The following SH3RF2 variants were observed in gnomAD, a reference collection of about 807,000 sequenced individuals.
The protein encoded by SH3RF2 is E3 ubiquitin-protein ligase SH3RF2.
Under a neutral mutation model 59.0 loss-of-function variants are expected in SH3RF2, and 43 were observed. The ratio of observed to expected loss-of-function variants is 0.73; its 90% CI spans 0.57 to 0.94. SH3RF2 has a LOEUF of 0.94. Among genes scored for constraint, SH3RF2 ranks in the 40% least tolerant of loss-of-function variants. The pLI is 0.00. For missense variants in SH3RF2, 930 were observed against 940.1 expected (o/e 0.99, Z 0.14); for synonymous variants, 391 against 391.5 (o/e 1.00, Z 0.01).
At chr5:145,987,588 TA>T (rs1759763562) in intron 2 of SH3RF2, among the ~76,000 whole-genome samples, 1 of 152,222 alleles carries the variant, frequency 6.6e-6, no homozygotes. Context: ...CATGAGGTCA[TA>T]ACATAATTCT....
chr5:146,058,252 C>T (rs1762754658), intron 8 of SH3RF2, among the ~76,000 whole-genome samples: 1 of 152,082 alleles, frequency 6.6e-6, no homozygotes, highest in Non-Finnish European at 1.5e-5. Flanking sequence ...TTTACAAGAG[C>T]CTAAGGACAT....
chr5:146,061,659 G>T (rs894490913), intron 9 of SH3RF2, among the ~76,000 whole-genome samples: 2 of 152,088 alleles, frequency 1.3e-5, no homozygotes, highest in African/African-American at 4.8e-5. Context: ...TGTACCTATG[G>T]GTGCCTAGCA....
Position 145,986,958 on chromosome 5 carries a change from G to A in SH3RF2, c.379-13100G>A, listed in dbSNP as rs1759731566. Reference sequence around the variant, plus strand: ...AAGGAGGGACCAGGAGATAAAGGCTGGCATATTCTGAGTGTTTGATAAATA... The same window carrying A: ...AAGGAGGGACCAGGAGATAAAGGCTAGCATATTCTGAGTGTTTGATAAATA... On this transcript the variant is annotated intron_variant, in intron 2 of 9. Transcript: ENST00000359120. Among the ~76,000 whole-genome samples, 4 of 152,122 alleles carry A rather than the reference G, an allele frequency of 2.6e-5. No homozygotes were observed. The East Asian group carries it at 7.7e-4, about 29-fold the overall frequency.
exon 10 of SH3RF2, chr5:146,080,410 A>T (rs1763403880): frequency 6.6e-6 from 1 of 152,172 alleles, no homozygotes; most frequent in Non-Finnish European, 1.5e-5. Context: ...ACCAAAGAGA[A>T]TCTCTATGAG....
rs369459537 is a variant in SH3RF2, at chr5:145,946,254, T to C, written c.378+7948T>C. Among the ~76,000 whole-genome samples, 3 of 152,198 alleles carry C rather than the reference T, an allele frequency of 2.0e-5. No homozygotes were observed. The East Asian group carries it at 5.8e-4, about 29-fold the overall frequency. ...AGCTCAGACTCCAGGACTCAAATAG[T>C]AGCTGAGTTCATCTCAGATCTCTGT... On this transcript the variant is annotated intron_variant, in intron 2 of 9. Transcript: ENST00000359120.
chr5:146,014,207 A>G, intron 5 of SH3RF2, 146 bp downstream of exon 5: 2 of 789,488 alleles, frequency 2.5e-6, no homozygotes, highest in Non-Finnish European at 4.0e-6. Flanking sequence ...CCATGTTAGA[A>G]TTGTATAAAC....
intron 6 of SH3RF2, among the ~76,000 whole-genome samples, chr5:146,048,091 T>C (rs1299894646): frequency 1.3e-5 from 2 of 152,146 alleles, no homozygotes; most frequent in East Asian, 3.9e-4. Context: ...GGCAGGAGGA[T>C]TGCTTGAACC....
chr5:145,960,623 T>A (rs1758595450), intron 2 of SH3RF2, among the ~76,000 whole-genome samples: 1 of 152,210 alleles, frequency 6.6e-6, no homozygotes, highest in South Asian at 2.1e-4. Context: ...TTCCCTGAAC[T>A]TTTGTTTAAA....
Position 146,059,956 on chromosome 5 carries a change from A to G in SH3RF2, c.1646A>G (p.Gln549Arg). 1 of 1,554,188 alleles carries G rather than the reference A, an allele frequency of 6.4e-7. No individual in the cohort carries two copies. Among genetic ancestry groups the G allele is most frequent in the South Asian group, 1.2e-5 (1 of 80,612 alleles). The change falls in exon 9 of 10, where the codon CAG becomes CGG. Residue 549 changes from glutamine to arginine, a missense_variant. Transcript: ENST00000359120. The stretch of plus-strand genomic sequence containing the variant: ...AGCCCCACCATGGTCCTTCGGCCTC[A>G]GCAGTTCCAATTCTACCAGCCACAG... ...RRSPTMVLRP[Q>R]QFQFYQPQGI...
intron 2 of SH3RF2, among the ~76,000 whole-genome samples, chr5:145,942,213 C>A (rs1757841952): frequency 6.6e-6 from 1 of 152,208 alleles, no homozygotes; most frequent in African/African-American, 2.4e-5. Flanking sequence ...TGGTCTACTT[C>A]CTCCGCATCA....
intron 2 of SH3RF2, among the ~76,000 whole-genome samples, chr5:145,947,850 T>C (rs1333598822): frequency 6.6e-6 from 1 of 152,232 alleles, no homozygotes; most frequent in Middle Eastern, 3.2e-3. Context: ...CAATAGCTTG[T>C]GGTCTTTTAT....
chr5:145,981,154 G>T (rs943308721), intron 2 of SH3RF2, among the ~76,000 whole-genome samples: 2 of 151,992 alleles, frequency 1.3e-5, no homozygotes, highest in Non-Finnish European at 2.9e-5. Flanking sequence ...GAGTGCAGTG[G>T]CATGATTATA....
Position 145,937,996 on chromosome 5 carries a change from C to T in SH3RF2, c.68C>T (p.Ala23Val). Residue 23 changes from alanine to valine, a missense_variant, in exon 2 of 10, where the codon GCC (alanine) becomes GTC (valine). By Grantham distance (64) the Ala-to-Val change is moderately conservative. Transcript: ENST00000359120. ...PVCFEKLDVTAKVLPCQHTFC... is the reference protein window; with the variant it reads ...PVCFEKLDVTVKVLPCQHTFC... ...TGCTTTGAGAAGCTCGATGTCACAG[C>T]CAAAGTCCTCCCTTGCCAGCACACC... The T allele has an allele frequency of 6.2e-7, 1 of 1,614,210 alleles. No homozygotes were observed. The highest frequency in any genetic ancestry group is 8.5e-7 in the Non-Finnish European group (1 of 1,180,036).
chr5:145,956,960 C>T (rs1758438637), intron 2 of SH3RF2, among the ~76,000 whole-genome samples: 1 of 152,236 alleles, frequency 6.6e-6, no homozygotes, highest in South Asian at 2.1e-4. Flanking sequence ...TGTAGCAACT[C>T]ATGTCTCCTC....
intron 2 of SH3RF2, 22 bp downstream of exon 2, chr5:145,938,328 A>G: frequency 6.6e-7 from 1 of 1,510,200 alleles, no homozygotes; most frequent in Non-Finnish European, 8.8e-7. Context: ...CTTATTTGCT[A>G]ATATCATGTC....
intron 5 of SH3RF2, among the ~76,000 whole-genome samples, chr5:146,025,188 CCTCT>C (rs753304613): frequency 9.9e-5 from 15 of 152,168 alleles, no homozygotes; most frequent in Non-Finnish European, 8.8e-5. Context: ...ATATTCTTAA[CCTCT>C]CTCTCTGTCT....
intron 2 of SH3RF2, among the ~76,000 whole-genome samples, chr5:145,992,137 C>T (rs972416796): frequency 4.6e-5 from 7 of 151,944 alleles, no homozygotes; most frequent in African/African-American, 7.3e-5. Context: ...TTTGGGAGGC[C>T]GAGGCAGGTG....
At chr5:146,062,292 G>A in intron 9 of SH3RF2, 134 bp from the exon 10 acceptor site, 1 of 1,129,712 alleles carries the variant, frequency 8.9e-7, no homozygotes, top group Non-Finnish European at 1.3e-6. Context: ...CCCCATCTTA[G>A]CACTTGACAC....
At chr5:145,944,353 T>C (rs1757934413) in intron 2 of SH3RF2, among the ~76,000 whole-genome samples, 1 of 149,320 alleles carries the variant, frequency 6.7e-6, no homozygotes, top group Non-Finnish European at 1.5e-5. Flanking sequence ...TTTTTTTTTT[T>C]TTAAATTATG....
Sources: allele counts gnomAD v4.1 joint callset (sites outside exome capture counted in the v4.1 genomes callset), GRCh38; gene constraint gnomAD v4.1.1; transcripts MANE v1.5; gene names NCBI Gene and HGNC (gene_info 2026-07-23, HGNC 2026-07-21).